The following KIF20B variants were observed in gnomAD, a reference collection of about 807,000 sequenced individuals.
KIF20B encodes the protein kinesin-like protein KIF20B.
Under a neutral mutation model 232.5 loss-of-function variants are expected in KIF20B, and 188 were observed. The observed-to-expected ratio is 0.81, with a 90% CI of 0.72 to 0.91. The LOEUF (loss-of-function observed/expected upper bound fraction) is 0.91, where lower values mean the gene tolerates loss of function less well. Ranked by LOEUF, KIF20B falls within the 40% of genes least tolerant of loss-of-function variation. The pLI, the probability that KIF20B is intolerant of heterozygous loss-of-function variation, is 0.00. For missense variants in KIF20B, 2,154 were observed against 2,055.9 expected (o/e 1.05, Z -0.92); for synonymous variants, 712 against 683.0 (o/e 1.04, Z -0.66).
chr10:89,705,248 T>C (rs1346993774), intron 1 of KIF20B, 46 bp from the exon 2 acceptor site: 1 of 1,577,596 alleles, frequency 6.3e-7, no homozygotes, highest in Non-Finnish European at 8.7e-7. Flanking sequence ...GTGGCTTACA[T>C]GCTGACTTAT....
chr10:89,707,639 C>T lies in KIF20B; in HGVS notation c.148-1528C>T, dbSNP rs543109348. On this transcript the variant is annotated intron_variant, in intron 2 of 32. Transcript: ENST00000371728. ...TTTCCCTTACCCCTCCTTTTTTCTTCCCCCATCCCCTTTCCCCCTTCACAC... is the reference window on the plus strand; with the variant it reads ...TTTCCCTTACCCCTCCTTTTTTCTTTCCCCATCCCCTTTCCCCCTTCACAC... Among the ~76,000 whole-genome samples, 488 of 147,838 alleles carry T rather than the reference C, an allele frequency of 3.3e-3. 1 individual carries two copies. The highest frequency in any genetic ancestry group is 5.4e-3 in the Non-Finnish European group (364 of 67,142).
intron 31 of KIF20B, among the ~76,000 whole-genome samples, chr10:89,769,299 T>G (rs948982650): frequency 1.3e-5 from 2 of 151,964 alleles, no homozygotes; most frequent in African/African-American, 4.8e-5. Context: ...TCATGGGTTC[T>G]TAGTTTCTGT....
At chr10:89,710,108 T>C in intron 5 of KIF20B, 43 bp downstream of exon 5, 1 of 1,533,198 alleles carries the variant, frequency 6.5e-7, no homozygotes, top group Non-Finnish European at 8.9e-7. Context: ...AAGGAAGCAA[T>C]AATAATCACT....
intron 4 of KIF20B, 69 bp downstream of exon 4, chr10:89,709,530 T>C: frequency 1.1e-6 from 1 of 943,416 alleles, no homozygotes; most frequent in Non-Finnish European, 1.7e-6. Flanking sequence ...AATTGCTATA[T>C]AATTGTATAT....
At chr10:89,760,498 C>G in intron 27 of KIF20B, 28 bp from the exon 28 acceptor site, 2 of 1,335,970 alleles carry the variant, frequency 1.5e-6, no homozygotes, top group Non-Finnish European at 1.1e-6. Context: ...TTACAATGCC[C>G]TGTTGCTTTA....
At chr10:89,751,802 G>T (rs1842027589) in intron 24 of KIF20B, among the ~76,000 whole-genome samples, 1 of 151,966 alleles carries the variant, frequency 6.6e-6, no homozygotes, top group African/African-American at 2.4e-5. Flanking sequence ...GCATTATCTT[G>T]TATGTTGATC....
intron 21 of KIF20B, among the ~76,000 whole-genome samples, chr10:89,742,113 C>T (rs1841809340): frequency 6.6e-6 from 1 of 152,106 alleles, no homozygotes; most frequent in Non-Finnish European, 1.5e-5. Flanking sequence ...AATCTTCCAT[C>T]TGTGAAATTG....
chr10:89,743,654 G>C (rs1022884489), intron 21 of KIF20B, among the ~76,000 whole-genome samples, 154 bp from the exon 22 acceptor site: 2 of 152,136 alleles, frequency 1.3e-5, no homozygotes, highest in African/African-American at 4.8e-5. Context: ...TGAAGCTATA[G>C]TGTGTTTGAT....
rs775819709 is a variant in KIF20B at position 89,745,977 on chromosome 10, A to G, written c.4096+18A>G. On this transcript the variant is annotated intron_variant, in intron 23 of 32. Coordinates refer to ENST00000371728, the MANE Select transcript of KIF20B (RefSeq NM_001284259.2). ...ATGCAAAGGTCAGGAACAAGTTTGTACTTCTGGAACCAGAAAAGTTCTCTT... is the reference window on the plus strand; with the variant it reads ...ATGCAAAGGTCAGGAACAAGTTTGTGCTTCTGGAACCAGAAAAGTTCTCTT... 1.3e-6 allele frequency: 2 copies of G among 1,592,764 alleles called. No individual in the cohort carries two copies. Among genetic ancestry groups the G allele is most frequent in the Admixed American group, 1.7e-5 (1 of 59,964 alleles).
chr10:89,746,045 T>C, intron 23 of KIF20B, 86 bp downstream of exon 23: 1 of 957,278 alleles, frequency 1.0e-6, no homozygotes, highest in Non-Finnish European at 1.7e-6. Context: ...ACTTGCTTCA[T>C]TGGTGCCCTG....
intron 19 of KIF20B, 75 bp downstream of exon 19, chr10:89,733,131 G>A: frequency 6.9e-7 from 1 of 1,458,470 alleles, no homozygotes; most frequent in Non-Finnish European, 9.5e-7. Context: ...AAGGCAAACA[G>A]AGGGGCATTC....
rs1258697982 is a variant in KIF20B, at chr10:89,715,193, G to T, written c.940+11G>T. 4 of 1,507,094 alleles carry T rather than the reference G, an allele frequency of 2.7e-6. No homozygotes were observed. Among genetic ancestry groups the T allele is most frequent in the Non-Finnish European group, 3.7e-6 (4 of 1,095,666 alleles). 93.4% of individuals were successfully genotyped at this position (1,507,094 alleles called of 1,614,324 possible). ...ATTCTTTTATAAAAGGTATACTAAT[G>T]AATATTTTTATCTTATTGCTCTGAA... On this transcript the variant is annotated intron_variant, in intron 8 of 32. Coordinates refer to ENST00000371728, the MANE Select transcript of KIF20B (RefSeq NM_001284259.2).
Position 89,725,561 on chromosome 10 carries a change from C to T in KIF20B, c.2001+403C>T, listed in dbSNP as rs147310954. On this transcript the variant is annotated intron_variant, in intron 15 of 32. Coordinates refer to ENST00000371728, the MANE Select transcript of KIF20B (RefSeq NM_001284259.2). The stretch of plus-strand genomic sequence containing the variant: ...TATGTATAAAAAGGGTTGCCCTTGC[C>T]GGGCAACTACCGTTTCTTACTCTTT... Among the ~76,000 whole-genome samples the T allele has an allele frequency of 4.7e-3, 721 of 152,110 alleles. 3 individuals are homozygous for T. Among genetic ancestry groups the T allele is most frequent in the African/African-American group, 0.017 (693 of 41,506 alleles).
Position 89,715,067 on chromosome 10 carries a change from C to G in KIF20B, c.825C>G (p.Phe275Leu). The change falls in exon 8 of 33, where the codon TTC becomes TTG. Residue 275 changes from phenylalanine to leucine, a missense_variant. By Grantham distance (22) the Phe-to-Leu change is conservative. Transcript: ENST00000371728. ...TAAAATTTTCTGTGTGGGTTTCTTTCTTTGAAATTTACAATGAATATATTT... is the reference window on the plus strand; with the variant it reads ...TAAAATTTTCTGTGTGGGTTTCTTTGTTTGAAATTTACAATGAATATATTT... The part of the protein sequence containing the change: ...NSIKFSVWVS[F>L]FEIYNEYIYD... The G allele has an allele frequency of 1.2e-6, 2 of 1,606,158 alleles. No homozygotes were observed. Among genetic ancestry groups the G allele is most frequent in the Non-Finnish European group, 1.7e-6 (2 of 1,175,452 alleles).
chr10:89,765,532 C>A (rs1173515360), intron 29 of KIF20B, among the ~76,000 whole-genome samples: 1 of 152,140 alleles, frequency 6.6e-6, no homozygotes, highest in African/African-American at 2.4e-5. Context: ...TTGGAAAAAA[C>A]TACTTTAAAG....
chr10:89,723,831 C>A, intron 13 of KIF20B, 133 bp from the exon 14 acceptor site: 1 of 743,850 alleles, frequency 1.3e-6, no homozygotes, highest in Non-Finnish European at 1.9e-6. Flanking sequence ...TCAGTGAGAA[C>A]ATTATCACTA....
chr10:89,725,678 A>G (rs1337282811), intron 15 of KIF20B, among the ~76,000 whole-genome samples: 4 of 152,162 alleles, frequency 2.6e-5, no homozygotes, highest in African/African-American at 9.7e-5. Context: ...GGCTTCAAGC[A>G]GTCCTCCTGC....
rs1304584605 is a variant in KIF20B, at chr10:89,737,387, G to A, written c.2546G>A (p.Gly849Glu). ...LQQDEPPAKK[G>E]SIHVSSAITE... ...AATAACAATTTTCTTATTTTTAAAG[G>A]GTCTATCCATGTTAGTTCAGCTATC... The change falls in exon 20 of 33, where the codon GGG (glycine) becomes GAG (glutamate). Residue 849 changes from glycine (G) to glutamate (E), a missense_variant and splice_region_variant. Transcript: ENST00000371728. 3 of 1,543,006 alleles carry A rather than the reference G, an allele frequency of 1.9e-6. No homozygotes were observed. The highest frequency in any genetic ancestry group is 2.3e-5 in the Admixed American group (1 of 43,680).
At chr10:89,724,167 T>C in intron 14 of KIF20B, 64 bp downstream of exon 14, 1 of 1,370,502 alleles carries the variant, frequency 7.3e-7, no homozygotes, top group South Asian at 1.9e-5. Context: ...TAGTTTTTTT[T>C]TTTACTTAGT....
Sources: allele counts gnomAD v4.1 joint callset (sites outside exome capture counted in the v4.1 genomes callset), GRCh38; gene constraint gnomAD v4.1.1; transcripts MANE v1.5; gene names NCBI Gene and HGNC (gene_info 2026-07-23, HGNC 2026-07-21).